The following SDK1 variants were observed in gnomAD, a reference collection of about 807,000 sequenced individuals.
SDK1 encodes the protein protein sidekick-1.
A neutral mutation model predicts 245.5 loss-of-function variants in SDK1; 157 were observed. The observed-to-expected ratio is 0.64, with a 90% CI of 0.56 to 0.73. SDK1 has a LOEUF of 0.73. SDK1 is among the 30% of genes least tolerant of loss of function. SDK1 has a pLI of 0.00. For missense variants in SDK1, 3,583 were observed against 3,002.3 expected, an observed-to-expected ratio of 1.19 and a Z score of -4.52; for synonymous variants, 1,647 against 1,278.5, an observed-to-expected ratio of 1.29 and a Z score of -6.15.
chr7:4,045,854 A>G (rs1038651638), intron 17 of SDK1, among the ~76,000 whole-genome samples: 5 of 151,960 alleles, frequency 3.3e-5, no homozygotes, highest in South Asian at 2.1e-4. Flanking sequence ...CTGTCGTTCT[A>G]TTGGCTTTGG....
At chr7:3,579,761 A>G (rs1780421736) in intron 1 of SDK1, among the ~76,000 whole-genome samples, 1 of 152,172 alleles carries the variant, frequency 6.6e-6, no homozygotes, top group Non-Finnish European at 1.5e-5. Flanking sequence ...CAATTCCCCA[A>G]AGAGGTAAAA....
chr7:3,554,947 T>G (rs990397348), intron 1 of SDK1, among the ~76,000 whole-genome samples: 5 of 152,088 alleles, frequency 3.3e-5, no homozygotes, highest in East Asian at 1.9e-4. Flanking sequence ...CGCAAAAAAA[T>G]GGAAAGATAT....
At chr7:3,839,809 A>G (rs530121720) in intron 5 of SDK1, among the ~76,000 whole-genome samples, 18 of 152,348 alleles carry the variant, frequency 1.2e-4, no homozygotes, top group African/African-American at 3.4e-4. Flanking sequence ...TAATCAAACC[A>G]GTTTTTTTAA....
chr7:3,922,631 G>A (rs565730589), intron 5 of SDK1, among the ~76,000 whole-genome samples: 1 of 152,280 alleles, frequency 6.6e-6, no homozygotes, highest in African/African-American at 2.4e-5. Flanking sequence ...CTAGTTTTGG[G>A]ATTTTCATTT....
intron 4 of SDK1, among the ~76,000 whole-genome samples, chr7:3,740,139 G>A (rs1457010949): frequency 6.6e-6 from 1 of 152,144 alleles, no homozygotes; most frequent in East Asian, 1.9e-4. Context: ...CTGGCAGGCA[G>A]TTTACAACCC....
chr7:3,698,240 G>C (rs1784632194), intron 4 of SDK1, among the ~76,000 whole-genome samples: 1 of 152,164 alleles, frequency 6.6e-6, no homozygotes, highest in Non-Finnish European at 1.5e-5. Flanking sequence ...CCCAAGCAAA[G>C]GCTGAGCAGG....
intron 1 of SDK1, among the ~76,000 whole-genome samples, chr7:3,471,196 G>C (rs1480639300): frequency 2.0e-5 from 3 of 152,060 alleles, no homozygotes; most frequent in Admixed American, 6.5e-5. Context: ...TACTTGAGTC[G>C]TGAGAAGACT....
chr7:4,081,434 TTTTTGAGACAGAATCTTGC>T (rs934989362), intron 22 of SDK1, among the ~76,000 whole-genome samples: 186 of 152,216 alleles, frequency 1.2e-3, no homozygotes, highest in Admixed American at 2.0e-3. Flanking sequence ...AATTTTTTTT[TTTTTGAGACAGAATCTTGC>T]TCTGTCGCCA....
intron 4 of SDK1, among the ~76,000 whole-genome samples, chr7:3,776,323 A>G (rs1382965923): frequency 1.3e-5 from 2 of 152,230 alleles, no homozygotes; most frequent in Non-Finnish European, 2.9e-5. Flanking sequence ...TTAGTTTTTC[A>G]TATGCACTGT....
intron 4 of SDK1, among the ~76,000 whole-genome samples, chr7:3,689,382 C>G (rs1475335449): frequency 2.6e-5 from 4 of 152,088 alleles, no homozygotes; most frequent in African/African-American, 7.2e-5. Context: ...GGTGTAGCTA[C>G]CATCCTGCCG....
intron 4 of SDK1, among the ~76,000 whole-genome samples, chr7:3,722,158 A>G (rs887697775): frequency 1.1e-4 from 16 of 152,134 alleles, no homozygotes; most frequent in African/African-American, 3.9e-4. Flanking sequence ...GGAATTACAG[A>G]TGTGAGCCAC....
At chr7:3,504,111 T>C (rs1015439330) in intron 1 of SDK1, among the ~76,000 whole-genome samples, 28 of 149,960 alleles carry the variant, frequency 1.9e-4, no homozygotes, top group Non-Finnish European at 3.7e-4. Context: ...GATCGCGCCA[T>C]TGCACTCCAG....
At chr7:3,770,372 A>T (rs1376198460) in intron 4 of SDK1, among the ~76,000 whole-genome samples, 2 of 152,180 alleles carry the variant, frequency 1.3e-5, no homozygotes, top group Non-Finnish European at 2.9e-5. Flanking sequence ...CTATTGAAGG[A>T]CACCTGGGAT....
At chr7:3,693,997 T>C (rs1355993294) in intron 4 of SDK1, among the ~76,000 whole-genome samples, 1 of 152,194 alleles carries the variant, frequency 6.6e-6, no homozygotes, top group Admixed American at 6.5e-5. Context: ...GACTGACTCT[T>C]CCTCCAGACC....
At chr7:3,530,962 G>A (rs753497933) in intron 1 of SDK1, among the ~76,000 whole-genome samples, 11 of 152,142 alleles carry the variant, frequency 7.2e-5, no homozygotes, top group African/African-American at 1.7e-4. Context: ...AGTTGATAAC[G>A]TCTGTTGAAT....
intron 1 of SDK1, among the ~76,000 whole-genome samples, chr7:3,321,723 C>G (rs1583680479): frequency 1.5e-5 from 1 of 68,902 alleles, no homozygotes; most frequent in African/African-American, 6.6e-5. Context: ...TCCCTCTCCC[C>G]TCTCCCTCCC....
chr7:3,679,175 A>G (rs537169218), intron 4 of SDK1, among the ~76,000 whole-genome samples: 1 of 152,350 alleles, frequency 6.6e-6, no homozygotes, highest in African/African-American at 2.4e-5. Context: ...GCTGCAAACT[A>G]GGGGAAAATA....
At position 3,791,443 on chromosome 7, in the gene SDK1, G is replaced by A. The variant is rs572731694; in HGVS notation, c.714-30007G>A. Among the ~76,000 whole-genome samples the A allele has an allele frequency of 1.5e-4, 23 of 152,324 alleles. No individual in the cohort carries two copies. In the South Asian group the frequency reaches 4.1e-3, roughly 27 times the overall value. ...GTGAGCATAAGGAAAGACTGACTTCGTGGCAGATGGTCATTCTAAGGTTCC... is the reference window on the plus strand; with the variant it reads ...GTGAGCATAAGGAAAGACTGACTTCATGGCAGATGGTCATTCTAAGGTTCC... On this transcript the variant is annotated intron_variant, in intron 4 of 44. Coordinates refer to ENST00000404826, the MANE Select transcript of SDK1 (RefSeq NM_152744.4).
chr7:3,817,052 T>C (rs1354387120), intron 4 of SDK1, among the ~76,000 whole-genome samples: 1 of 152,230 alleles, frequency 6.6e-6, no homozygotes, highest in Non-Finnish European at 1.5e-5. Flanking sequence ...TTACTGAATT[T>C]TCATCATAAT....
Sources: allele counts gnomAD v4.1 joint callset (sites outside exome capture counted in the v4.1 genomes callset), GRCh38; gene constraint gnomAD v4.1.1; transcripts MANE v1.5; gene names NCBI Gene and HGNC (gene_info 2026-07-23, HGNC 2026-07-21).